The following RANBP17 variants were observed in gnomAD, a reference collection of about 807,000 sequenced individuals.
The protein encoded by RANBP17 is ran-binding protein 17.
Under a neutral mutation model 141.2 loss-of-function variants are expected in RANBP17, and 158 were observed. That is an observed-to-expected ratio of 1.12 (90% CI 0.98 to 1.28). The LOEUF (loss-of-function observed/expected upper bound fraction) is 1.28. Ranked by LOEUF, RANBP17 falls within the 50% of genes most tolerant of loss-of-function variation. RANBP17 has a pLI of 0.00. For missense variants in RANBP17, 1,438 were observed against 1,290.7 expected, an observed-to-expected ratio of 1.11 and a Z score of -1.75; for synonymous variants, 430 against 450.0, an observed-to-expected ratio of 0.96 and a Z score of 0.56.
At chr5:171,237,545 A>G (rs1480286716) in intron 22 of RANBP17, among the ~76,000 whole-genome samples, 2 of 152,188 alleles carry the variant, frequency 1.3e-5, no homozygotes, top group African/African-American at 4.8e-5. Flanking sequence ...CGGATGTTAC[A>G]GTATCTTTTT....
chr5:170,878,006 C>A, intron 1 of RANBP17, 91 bp from the exon 2 acceptor site: 1 of 854,854 alleles, frequency 1.2e-6, no homozygotes, highest in Non-Finnish European at 1.7e-6. Context: ...AATGAATACA[C>A]ATGTGATATT....
At chr5:171,065,963 T>A (rs1305533798) in intron 14 of RANBP17, among the ~76,000 whole-genome samples, 2 of 151,934 alleles carry the variant, frequency 1.3e-5, no homozygotes, top group Non-Finnish European at 2.9e-5. Context: ...CGGGTTCAAG[T>A]GATTTTCCTG....
At chr5:171,191,300 A>T (rs1761614051) in intron 18 of RANBP17, among the ~76,000 whole-genome samples, 1 of 152,116 alleles carries the variant, frequency 6.6e-6, no homozygotes, top group Non-Finnish European at 1.5e-5. Flanking sequence ...GTTTAAAAAT[A>T]TATAGTTTAT....
intron 5 of RANBP17, chr5:170,897,359 C>CTT (rs931125019): frequency 8.3e-5 from 33 of 395,760 alleles, no homozygotes; most frequent in South Asian, 9.5e-5. Context: ...TCTTCTTCTT[C>CTT]TTTTTTTTTT....
intron 3 of RANBP17, among the ~76,000 whole-genome samples, chr5:170,884,749 G>T (rs187954027): frequency 1.2e-4 from 18 of 152,064 alleles, no homozygotes; most frequent in Middle Eastern, 6.8e-3. Flanking sequence ...TCAGTGCCCT[G>T]TATCATAGAA....
chr5:171,113,287 G>A (rs1053180556), intron 14 of RANBP17, among the ~76,000 whole-genome samples: 3 of 152,058 alleles, frequency 2.0e-5, no homozygotes, highest in Non-Finnish European at 4.4e-5. Flanking sequence ...ATTATTACCC[G>A]TGCTACTACA....
chr5:171,089,502 C>T (rs529092058), intron 14 of RANBP17, among the ~76,000 whole-genome samples: 131 of 151,956 alleles, frequency 8.6e-4, no homozygotes, highest in African/African-American at 2.6e-3. Flanking sequence ...TCGAGCTTCC[C>T]GGCTGCTTTG....
At chr5:171,163,695 T>A (rs965257048) in intron 14 of RANBP17, among the ~76,000 whole-genome samples, 1 of 152,224 alleles carries the variant, frequency 6.6e-6, no homozygotes, top group Admixed American at 6.5e-5. Flanking sequence ...TTAAAAACCT[T>A]CATTAATAAG....
chr5:171,295,802 T>A lies in RANBP17; in HGVS notation c.3043-85T>A, dbSNP rs1490267872. The stretch of plus-strand genomic sequence containing the variant: ...TGAGCATTAGTGAGCCCTGAGTAGA[T>A]GAGAGCTGCTCTATCCATCCCCTGC... On this transcript the variant is annotated intron_variant, in intron 26 of 27. Coordinates refer to ENST00000523189, the MANE Select transcript of RANBP17 (RefSeq NM_022897.5). 4.1e-6 allele frequency: 6 copies of A among 1,465,530 alleles called. No homozygotes were observed. The Admixed American group carries it at 1.1e-4, about 26-fold the overall frequency. 90.8% of individuals were successfully genotyped at this position (1,465,530 alleles called of 1,614,324 possible).
At chr5:171,013,957 C>T (rs1260727252) in intron 14 of RANBP17, among the ~76,000 whole-genome samples, 1 of 152,000 alleles carries the variant, frequency 6.6e-6, no homozygotes, top group Non-Finnish European at 1.5e-5. Flanking sequence ...GTGTCTCTTA[C>T]TATGGATTTA....
chr5:171,203,986 A>T (rs933294118), intron 19 of RANBP17, among the ~76,000 whole-genome samples: 5 of 152,150 alleles, frequency 3.3e-5, no homozygotes, highest in Non-Finnish European at 7.4e-5. Flanking sequence ...GGCTTCCAGG[A>T]GTGTGAAAAG....
At chr5:171,065,979 G>C (rs1330361915) in intron 14 of RANBP17, among the ~76,000 whole-genome samples, 3 of 151,818 alleles carry the variant, frequency 2.0e-5, no homozygotes. Context: ...TCCTGCCCCA[G>C]CCTCCTAAGT....
chr5:171,177,551 A>G (rs1167765603), intron 16 of RANBP17, among the ~76,000 whole-genome samples: 1 of 152,124 alleles, frequency 6.6e-6, no homozygotes, highest in African/African-American at 2.4e-5. Flanking sequence ...AACCTTCATT[A>G]TCTTTCACTG....
intron 18 of RANBP17, among the ~76,000 whole-genome samples, chr5:171,190,855 C>A (rs6890394): frequency 0.57 from 87,292 of 151,974 alleles, 26,071 homozygotes; most frequent in South Asian, 0.76. Flanking sequence ...AAGTTTTTAC[C>A]AGCCACAAAT....
intron 24 of RANBP17, chr5:171,251,849 T>G: frequency 7.4e-7 from 1 of 1,360,048 alleles, no homozygotes; most frequent in Non-Finnish European, 1.1e-6. Flanking sequence ...TTCGCTTCCA[T>G]CTGTACCATG....
chr5:170,895,181 A>G (rs1770011969), intron 4 of RANBP17, among the ~76,000 whole-genome samples: 1 of 152,182 alleles, frequency 6.6e-6, no homozygotes, highest in South Asian at 2.1e-4. Context: ...TTGTTCTGAG[A>G]TAATTTGAAT....
chr5:171,152,438 A>C (rs1296609800), intron 14 of RANBP17, among the ~76,000 whole-genome samples: 4 of 149,814 alleles, frequency 2.7e-5, no homozygotes, highest in South Asian at 4.2e-4. Context: ...AAAGGGCCCC[A>C]AAAAGATACA....
At chr5:171,143,601 A>G (rs994356691) in intron 14 of RANBP17, 3 of 152,224 alleles carry the variant, frequency 2.0e-5, no homozygotes, top group African/African-American at 4.8e-5. Flanking sequence ...TTGCTGGAGT[A>G]GGTCTCTCAG....
intron 14 of RANBP17, chr5:170,983,237 A>G (rs537060040): frequency 5.9e-6 from 2 of 336,614 alleles, no homozygotes; most frequent in South Asian, 8.1e-5. Context: ...AAACTGGAGC[A>G]GATGGAAGGT....
Sources: allele counts gnomAD v4.1 joint callset (sites outside exome capture counted in the v4.1 genomes callset), GRCh38; gene constraint gnomAD v4.1.1; transcripts MANE v1.5; gene names NCBI Gene and HGNC (gene_info 2026-07-23, HGNC 2026-07-21).